FARS2: variants seen among roughly 807,000 people sequenced by gnomAD.
The protein encoded by FARS2 is phenylalanyl-tRNA synthetase 2, mitochondrial.
A neutral mutation model predicts 46.4 loss-of-function variants in FARS2; 40 were observed. The ratio of observed to expected loss-of-function variants is 0.86; its 90% CI spans 0.67 to 1.12. The LOEUF (loss-of-function observed/expected upper bound fraction) is 1.12. Among genes scored for constraint, FARS2 ranks in the 50% most tolerant of loss-of-function variants. The pLI is 0.00. For missense variants in FARS2, 513 were observed against 567.9 expected (o/e 0.90, Z 0.98); for synonymous variants, 234 against 214.9 (o/e 1.09, Z -0.78).
intron 3 of FARS2, among the ~76,000 whole-genome samples, chr6:5,422,536 C>T (rs946501812): frequency 3.3e-5 from 5 of 152,092 alleles, no homozygotes; most frequent in Non-Finnish European, 7.4e-5. Flanking sequence ...GCTGTGCTGT[C>T]CCACACACCT....
At chr6:5,413,467 T>G (rs1762051660) in intron 3 of FARS2, among the ~76,000 whole-genome samples, 1 of 152,176 alleles carries the variant, frequency 6.6e-6, no homozygotes, top group Non-Finnish European at 1.5e-5. Flanking sequence ...GGTATACAGG[T>G]GACCTAGAAA....
rs1204079767 is a variant in FARS2 at position 5,613,216 on chromosome 6, G to A, written c.1113G>A (p.Leu371=). Residue 371 remains leucine (L), a synonymous_variant, in exon 6 of 7, where the codon TTG becomes TTA. Transcript: ENST00000274680. ...TGATCAATGATATTTCATTCTGGTT[G>A]CCCTCTGAGAATTACGCAGAAAATG... The part of the protein sequence containing the change: ...PAVINDISFW[L]PSENYAENDF... The A allele has an allele frequency of 1.2e-6, 2 of 1,613,050 alleles. No individual in the cohort carries two copies. Among genetic ancestry groups the A allele is most frequent in the South Asian group, 1.1e-5 (1 of 91,016 alleles).
intron 4 of FARS2, among the ~76,000 whole-genome samples, chr6:5,528,022 C>G (rs964193564): frequency 2.0e-5 from 3 of 152,110 alleles, no homozygotes; most frequent in Admixed American, 6.6e-5. Context: ...GTATATTTAG[C>G]CTTTAACTAT....
In FARS2 at chr6:5,470,778, A is replaced by G. The variant is rs191192875; in HGVS notation, c.904+39606A>G. On this transcript the variant is annotated intron_variant, in intron 4 of 6. Coordinates refer to ENST00000274680, the MANE Select transcript of FARS2 (RefSeq NM_006567.5). ...CTTTTTCATCTAACTTTTCTAGAAA[A>G]TAGACAAATCAATGAGATCCTATAA... Among the ~76,000 whole-genome samples, 126 of 152,364 alleles carry G rather than the reference A, an allele frequency of 8.3e-4. 1 individual carries two copies. The highest frequency in any genetic ancestry group is 2.3e-3 in the African/African-American group (94 of 41,596).
chr6:5,371,265 T>C, intron 2 of FARS2: 2 of 736,504 alleles, frequency 2.7e-6, no homozygotes, highest in Non-Finnish European at 3.3e-6. Context: ...ATCTTAACTC[T>C]AAACAAAATG....
intron 1 of FARS2, among the ~76,000 whole-genome samples, chr6:5,266,553 C>T (rs1317926680): frequency 1.3e-5 from 2 of 152,104 alleles, no homozygotes; most frequent in African/African-American, 4.8e-5. Flanking sequence ...TTTATTTAGC[C>T]AGGGTCACAC....
chr6:5,326,211 CT>C (rs35168709), intron 1 of FARS2, among the ~76,000 whole-genome samples: 28,880 of 152,106 alleles, frequency 0.19, 3,151 homozygotes, highest in East Asian at 0.48. Context: ...GGAGAGCCTG[CT>C]TTGCCTCCTG....
intron 6 of FARS2, among the ~76,000 whole-genome samples, chr6:5,672,631 A>G (rs2150811865): frequency 6.6e-6 from 1 of 152,324 alleles, no homozygotes; most frequent in African/African-American, 2.4e-5. Context: ...AAAAAATAAT[A>G]AAGCATTTCT....
intron 6 of FARS2, among the ~76,000 whole-genome samples, chr6:5,770,924 G>A (rs1447612582): frequency 2.0e-5 from 3 of 152,096 alleles, no homozygotes; most frequent in South Asian, 2.1e-4. Flanking sequence ...CCCTGACCCT[G>A]TCTGCTTGTT....
rs1440552400 is a variant in FARS2, at chr6:5,525,587, T to C, written c.905-19593T>C. On this transcript the variant is annotated intron_variant, in intron 4 of 6. Transcript: ENST00000274680. ...AACACTTTGTTAGAGTTAAGTCTTA[T>C]AAAGAAAACTGTGTGAGTGTCAATG... Among the ~76,000 whole-genome samples, 4 of 152,194 alleles carry C rather than the reference T, an allele frequency of 2.6e-5. No individual in the cohort carries two copies. In the South Asian group the frequency reaches 8.3e-4, roughly 31 times the overall value.
At chr6:5,300,008 C>G (rs980994432) in intron 1 of FARS2, among the ~76,000 whole-genome samples, 3 of 152,048 alleles carry the variant, frequency 2.0e-5, no homozygotes, top group African/African-American at 7.2e-5. Context: ...AGAGCTCTGT[C>G]AGTAGTTGGA....
intron 4 of FARS2, among the ~76,000 whole-genome samples, chr6:5,462,581 T>C (rs947634394): frequency 3.9e-5 from 6 of 152,266 alleles, no homozygotes; most frequent in African/African-American, 1.4e-4. Context: ...GGAAATGTTC[T>C]AAATTCATCT....
At position 5,532,764 on chromosome 6, in the gene FARS2, G is replaced by GTAA. The variant is rs113215364; in HGVS notation, c.905-12397_905-12395dup. Reference sequence around the variant, plus strand: ...AGACTCTGTTTCAAAAGTAGTAGTAGTAATAATAATAATAATAATAAGAAG... The same window carrying GTAA: ...AGACTCTGTTTCAAAAGTAGTAGTAGTAATAATAATAATAATAATAATAAGAAG... On this transcript the variant is annotated intron_variant, in intron 4 of 6. Coordinates refer to ENST00000274680, the MANE Select transcript of FARS2 (RefSeq NM_006567.5). Among the ~76,000 whole-genome samples, 1,399 of 148,842 alleles carry GTAA rather than the reference G, an allele frequency of 9.4e-3. 10 individuals are homozygous for GTAA. The highest frequency in any genetic ancestry group is 0.015 in the African/African-American group (601 of 39,864).
chr6:5,689,605 T>G (rs1394439062), intron 6 of FARS2, among the ~76,000 whole-genome samples: 1 of 151,898 alleles, frequency 6.6e-6, no homozygotes, highest in African/African-American at 2.4e-5. Flanking sequence ...TGCTGAGGAG[T>G]GCTTTACTTC....
chr6:5,664,049 G>A (rs1442961660), intron 6 of FARS2, among the ~76,000 whole-genome samples: 2 of 152,236 alleles, frequency 1.3e-5, no homozygotes, highest in African/African-American at 4.8e-5. Flanking sequence ...GTATCCCACT[G>A]TTAGCAGCTC....
chr6:5,745,569 C>T (rs1582870761), intron 6 of FARS2, among the ~76,000 whole-genome samples: 1 of 152,174 alleles, frequency 6.6e-6, no homozygotes, highest in Non-Finnish European at 1.5e-5. Context: ...GACAGGGTCT[C>T]ACTCTGTCAC....
intron 4 of FARS2, among the ~76,000 whole-genome samples, chr6:5,485,369 G>T (rs1272702660): frequency 6.6e-6 from 1 of 152,126 alleles, no homozygotes; most frequent in Non-Finnish European, 1.5e-5. Context: ...GGCATACCTT[G>T]GTCAGCATTT....
chr6:5,584,782 G>A (rs1231070214), intron 5 of FARS2, among the ~76,000 whole-genome samples: 3 of 152,102 alleles, frequency 2.0e-5, no homozygotes, highest in Non-Finnish European at 2.9e-5. Flanking sequence ...TTCATCATCT[G>A]CATGGAGAGC....
intron 1 of FARS2, among the ~76,000 whole-genome samples, chr6:5,353,326 A>AT (rs1187760901): frequency 2.0e-5 from 3 of 152,058 alleles, no homozygotes; most frequent in Admixed American, 1.3e-4. Context: ...AGTCGATTCC[A>AT]TTTTTTGGCT....
Sources: gnomAD v4.1 joint callset for allele counts (sites outside exome capture counted in the v4.1 genomes callset) on GRCh38, gnomAD v4.1.1 for gene constraint, MANE v1.5 for transcripts, NCBI Gene and HGNC (gene_info 2026-07-23, HGNC 2026-07-21) for gene names.